The following CALCOCO2 variants were observed in gnomAD, a reference collection of about 807,000 sequenced individuals.
The protein encoded by CALCOCO2 is calcium binding and coiled-coil domain 2.
Under a neutral mutation model 62.5 loss-of-function variants are expected in CALCOCO2, and 42 were observed. The observed-to-expected ratio is 0.67, with a 90% CI of 0.53 to 0.87. The LOEUF (loss-of-function observed/expected upper bound fraction) is 0.87, where lower values mean the gene tolerates loss of function less well. Ranked by LOEUF, CALCOCO2 falls within the 40% of genes least tolerant of loss-of-function variation. CALCOCO2 has a pLI of 0.00. For synonymous variants in CALCOCO2, 167 were observed against 173.0 expected (o/e 0.97, Z 0.27); for missense variants, 456 against 515.0 (o/e 0.89, Z 1.11).
intron 1 of CALCOCO2, among the ~76,000 whole-genome samples, chr17:48,838,573 G>C (rs2039929400): frequency 6.6e-6 from 1 of 151,992 alleles, no homozygotes; most frequent in South Asian, 2.1e-4. Flanking sequence ...AACTGGCCGG[G>C]CATGGTGGCA....
intron 9 of CALCOCO2, among the ~76,000 whole-genome samples, chr17:48,854,044 G>A (rs888325085): frequency 1.1e-4 from 16 of 151,978 alleles, no homozygotes; most frequent in African/African-American, 7.2e-5. Context: ...GGCTGGGTGC[G>A]GTGGCTCGCG....
intron 1 of CALCOCO2, among the ~76,000 whole-genome samples, chr17:48,834,790 G>A (rs1262063978): frequency 1.3e-5 from 2 of 151,440 alleles, no homozygotes; most frequent in East Asian, 3.9e-4. Context: ...ACTCACGCCT[G>A]TAATCCCAGC....
At chr17:48,856,702 T>G (rs1320319170) in intron 10 of CALCOCO2, 12 of 442,906 alleles carry the variant, frequency 2.7e-5, no homozygotes, top group Non-Finnish European at 5.4e-5. Flanking sequence ...CAACATTTAT[T>G]ATTGATTGAA....
chr17:48,838,446 C>T (rs1294763199), intron 1 of CALCOCO2, among the ~76,000 whole-genome samples: 2 of 151,822 alleles, frequency 1.3e-5, no homozygotes, highest in African/African-American at 2.4e-5. Context: ...TGGTCTCCTC[C>T]CTTAATGTCT....
At position 48,860,386 on chromosome 17, in the gene CALCOCO2, C is replaced by A. The variant is rs145465084; in HGVS notation, c.1081C>A (p.Pro361Thr). 5.6e-6 allele frequency: 9 copies of A among 1,613,404 alleles called. No individual in the cohort carries two copies. The African/African-American group carries it at 1.1e-4, about 19-fold the overall frequency. ...TTTTAATTCTTTGCCGTATCAAGTACCTACTTCAGATGAAGGAGGCGCAAG... is the reference window on the plus strand; with the variant it reads ...TTTTAATTCTTTGCCGTATCAAGTAACTACTTCAGATGAAGGAGGCGCAAG... ...LDFNSLPYQV[P>T]TSDEGGARQN... Residue 361 changes from proline to threonine, a missense_variant, in exon 11 of 13, where the codon CCT becomes ACT. By Grantham distance (38) the Pro-to-Thr change is conservative. Around this residue, in one of 3 missense-constraint regions of CALCOCO2, gnomAD observed 172 missense variants for 210.3 expected, o/e 0.82. Transcript: ENST00000258947.
Position 48,863,044 on chromosome 17 carries a change from A to T in CALCOCO2, c.*39A>T. 2.1e-6 allele frequency: 3 copies of T among 1,430,738 alleles called. No individual in the cohort carries two copies. Among genetic ancestry groups the T allele is most frequent in the Non-Finnish European group, 3.0e-6 (3 of 1,013,064 alleles). 88.6% of individuals were successfully genotyped at this position (1,430,738 alleles called of 1,614,324 possible). A position where few individuals can be genotyped will look rare whatever the true frequency, so the allele number is the denominator to read the frequency against. Reference sequence around the variant, plus strand: ...TTGGATGTATACAGAGATTTTATAGAATAGAACCTATAGCTTCTACCATGA... The same window carrying T: ...TTGGATGTATACAGAGATTTTATAGTATAGAACCTATAGCTTCTACCATGA... On this transcript the variant is annotated 3_prime_UTR_variant, in exon 13 of 13. Coordinates refer to ENST00000258947, the MANE Select transcript of CALCOCO2 (RefSeq NM_005831.5).
At chr17:48,833,113 C>G (rs2039839258) in intron 1 of CALCOCO2, among the ~76,000 whole-genome samples, 1 of 151,620 alleles carries the variant, frequency 6.6e-6, no homozygotes, top group South Asian at 2.1e-4. Flanking sequence ...CTTTTGCTAC[C>G]TGTTTCAGGG....
Position 48,861,661 on chromosome 17 carries a change from G to GTATATATATATATATA in CALCOCO2, c.1145-614_1145-599dup, listed in dbSNP as rs59973644. On this transcript the variant is annotated intron_variant, in intron 11 of 12. Coordinates refer to ENST00000258947, the MANE Select transcript of CALCOCO2 (RefSeq NM_005831.5). ...TATGTATATATATATATGTGTGTGT[G>GTATATATATATATATA]TATATATATATATATAAAGCCTGTG... Among the ~76,000 whole-genome samples the GTATATATATATATATA allele has an allele frequency of 1.6e-3, 217 of 135,120 alleles. 3 individuals are homozygous for GTATATATATATATATA. Among genetic ancestry groups the GTATATATATATATATA allele is most frequent in the African/African-American group, 6.2e-3 (210 of 33,992 alleles). The allele number at this position is 135,120 out of a possible 152,430, so 88.6% of individuals were successfully genotyped here.
chr17:48,861,657 G>A (rs1262666389), intron 11 of CALCOCO2, among the ~76,000 whole-genome samples: 3 of 41,680 alleles, frequency 7.2e-5, no homozygotes, highest in African/African-American at 4.1e-4. Context: ...ATATATGTGT[G>A]TGTGTATATA....
intron 10 of CALCOCO2, among the ~76,000 whole-genome samples, chr17:48,857,674 G>A (rs1189429841): frequency 6.7e-6 from 1 of 148,952 alleles, no homozygotes; most frequent in Non-Finnish European, 1.5e-5. Context: ...TAAAATTGCG[G>A]TTAAAACACA....
At chr17:48,852,013 G>A (rs2040139410) in intron 7 of CALCOCO2, among the ~76,000 whole-genome samples, 2 of 151,822 alleles carry the variant, frequency 1.3e-5, no homozygotes, top group African/African-American at 4.8e-5. Context: ...ACAGGCGCAC[G>A]TGTAATTCCA....
At chr17:48,852,809 A>G (rs1406516137) in intron 8 of CALCOCO2, 117 bp from the exon 9 acceptor site, 1 of 974,714 alleles carries the variant, frequency 1.0e-6, no homozygotes, top group Admixed American at 2.1e-5. Flanking sequence ...CTGACGAGAG[A>G]AGACTTGCCT....
chr17:48,853,102 G>C, intron 9 of CALCOCO2, 90 bp downstream of exon 9: 1 of 830,010 alleles, frequency 1.2e-6, no homozygotes, highest in Non-Finnish European at 2.0e-6. Flanking sequence ...TGATGGACAG[G>C]ATAAATAAGA....
At chr17:48,833,820 C>T (rs2039851550) in intron 1 of CALCOCO2, among the ~76,000 whole-genome samples, 1 of 151,936 alleles carries the variant, frequency 6.6e-6, no homozygotes, top group East Asian at 1.9e-4. Context: ...GTGTAGTTTG[C>T]AGATGCAGTT....
In CALCOCO2 at chr17:48,863,998, T is replaced by G. The variant is rs891545835; in HGVS notation, c.*993T>G. The stretch of plus-strand genomic sequence containing the variant: ...ATAAAAAAGAGTGTCCTGGCAGTTA[T>G]CTTGAGGTGGGGAAGGAGGTGATGA... On this transcript the variant is annotated 3_prime_UTR_variant, in exon 13 of 13. Transcript: ENST00000258947. The G allele has an allele frequency of 1.3e-5, 2 of 151,782 alleles. No homozygotes were observed. The highest frequency in any genetic ancestry group is 4.8e-5 in the African/African-American group (2 of 41,260). 9.4% of individuals were successfully genotyped at this position (151,782 alleles called of 1,614,324 possible).
chr17:48,845,371 CTG>C (rs56280364), intron 2 of CALCOCO2, among the ~76,000 whole-genome samples: 10,046 of 115,772 alleles, frequency 0.087, 639 homozygotes, highest in African/African-American at 0.13. Context: ...TAAATCCTCA[CTG>C]TGTGTGTGTG....
Position 48,853,297 on chromosome 17 carries a change from C to T in CALCOCO2, c.912+285C>T, listed in dbSNP as rs1011612867. The T allele has an allele frequency of 2.4e-5, 7 of 286,564 alleles. No homozygotes were observed. In the Middle Eastern group the frequency reaches 3.4e-3, roughly 140 times the overall value. 17.8% of individuals were successfully genotyped at this position (286,564 alleles called of 1,614,324 possible). On this transcript the variant is annotated intron_variant, in intron 9 of 12. Transcript: ENST00000258947. ...TAGGGCTCACACAGAATAACCCCTACCCTCTTCTTACAGAGTTACAATAGG... is the reference window on the plus strand; with the variant it reads ...TAGGGCTCACACAGAATAACCCCTATCCTCTTCTTACAGAGTTACAATAGG...
chr17:48,855,890 C>G (rs2040207966), intron 9 of CALCOCO2: 1 of 266,594 alleles, frequency 3.8e-6, no homozygotes, highest in Middle Eastern at 1.1e-3. Context: ...AAATTGGCAT[C>G]TTGATGCCAG....
At chr17:48,846,124 T>C (rs1472640816) in intron 2 of CALCOCO2, 3 of 1,043,340 alleles carry the variant, frequency 2.9e-6, no homozygotes, top group Admixed American at 5.5e-5. Context: ...CTTTTTATTT[T>C]TTATTTATTT....
Sources: allele counts gnomAD v4.1 joint callset (sites outside exome capture counted in the v4.1 genomes callset), GRCh38; gene constraint gnomAD v4.1.1; regional missense constraint gnomAD v4.1.1; transcripts MANE v1.5; gene names NCBI Gene and HGNC (gene_info 2026-07-23, HGNC 2026-07-21).